The following PRDM10 variants were observed in gnomAD, a reference collection of about 807,000 sequenced individuals.
PRDM10 encodes the protein PR/SET domain 10.
In PRDM10, 65 loss-of-function variants were observed where a neutral mutation model predicts 133.1. That is an observed-to-expected ratio of 0.49 (90% confidence interval 0.40 to 0.60). The LOEUF is 0.60. PRDM10 is among the 20% of genes least tolerant of loss of function. PRDM10 has a pLI of 0.00. For missense variants in PRDM10, 1,137 were observed against 1,507.1 expected (o/e 0.75, Z 4.07); for synonymous variants, 582 against 580.4 (o/e 1.00, Z -0.04).
Position 129,947,603 on chromosome 11 carries a change from G to C in PRDM10, c.295-233C>G. On this transcript the variant is annotated intron_variant, in intron 4 of 20. Coordinates refer to ENST00000360871, the MANE Select transcript of PRDM10 (RefSeq NM_199437.2). This position sits in a 1 kb window ranked among gnomAD's most constrained non-coding sequence, Gnocchi z 4.6. Reference sequence around the variant, plus strand: ...CCTCTGCCCTCCCTCTGCCCCTTCTGTCCCACACCTGGGAGGGCTGCTAAG... The same window carrying C: ...CCTCTGCCCTCCCTCTGCCCCTTCTCTCCCACACCTGGGAGGGCTGCTAAG... 7.3e-7 allele frequency: 1 copy of C among 1,374,828 alleles called. No homozygotes were observed. The highest frequency in any genetic ancestry group is 9.5e-7 in the Non-Finnish European group (1 of 1,049,476). The allele number at this position is 1,374,828 out of a possible 1,614,324, so 85.2% of individuals were successfully genotyped here.
intron 1 of PRDM10, among the ~76,000 whole-genome samples, chr11:129,998,438 C>G (rs559142933): frequency 6.6e-6 from 1 of 152,102 alleles, no homozygotes; most frequent in Non-Finnish European, 1.5e-5. Context: ...TTGCAATAAA[C>G]GAGAGTTTAA....
intron 1 of PRDM10, among the ~76,000 whole-genome samples, chr11:129,983,300 T>G (rs1370875588): frequency 9.3e-6 from 1 of 107,654 alleles, no homozygotes; most frequent in African/African-American, 5.1e-5. Context: ...TATTTCTCCT[T>G]TTTTTTTTTT....
intron 1 of PRDM10, among the ~76,000 whole-genome samples, chr11:129,961,806 T>C (rs938678589): frequency 6.6e-6 from 1 of 152,146 alleles, no homozygotes; most frequent in Non-Finnish European, 1.5e-5. Context: ...TCTTATAAAA[T>C]TATATATTTT....
At chr11:129,981,033 A>T (rs1048371551) in intron 1 of PRDM10, among the ~76,000 whole-genome samples, 1 of 151,694 alleles carries the variant, frequency 6.6e-6, no homozygotes, top group African/African-American at 2.4e-5. Context: ...CACTAGGCCC[A>T]GCTAATTTTG....
At chr11:129,971,850 G>A (rs1952034411) in intron 1 of PRDM10, among the ~76,000 whole-genome samples, 1 of 152,240 alleles carries the variant, frequency 6.6e-6, no homozygotes, top group African/African-American at 2.4e-5. Flanking sequence ...CAGCCCTTGG[G>A]TGGTCGATGG....
At chr11:129,930,901 G>C in intron 11 of PRDM10, 115 bp downstream of exon 11, 3 of 1,397,050 alleles carry the variant, frequency 2.1e-6, no homozygotes, top group Non-Finnish European at 2.9e-6. Context: ...GCATGTGACA[G>C]GCTAGATGCA....
chr11:129,980,166 C>A (rs1938025218), intron 1 of PRDM10, among the ~76,000 whole-genome samples: 2 of 152,166 alleles, frequency 1.3e-5, no homozygotes. Context: ...ATCATAGTTA[C>A]CGTACGACCA....
chr11:129,917,030 G>T, intron 15 of PRDM10, 97 bp downstream of exon 15: 1 of 791,008 alleles, frequency 1.3e-6, no homozygotes, highest in Non-Finnish European at 1.9e-6. Flanking sequence ...TCTGGTAAGA[G>T]TAACAAAAAA....
At chr11:129,944,204 T>C (rs1951313401) in intron 6 of PRDM10, among the ~76,000 whole-genome samples, 1 of 152,082 alleles carries the variant, frequency 6.6e-6, no homozygotes, top group South Asian at 2.1e-4. Context: ...TAAATGTCTG[T>C]TGTTTGAGCC....
chr11:129,976,572 C>T (rs1399087429), intron 1 of PRDM10, among the ~76,000 whole-genome samples: 1 of 152,160 alleles, frequency 6.6e-6, no homozygotes, highest in East Asian at 1.9e-4. Flanking sequence ...TGCTCTACTC[C>T]GAGCAGCTGC....
In PRDM10 at chr11:129,923,088, TA is replaced by T. The variant is rs1950562987; in HGVS notation, c.2034+159del. ...GAGGAAATGAGTAAGTTTTCCCCCT[TA>T]ATTTTATAACTAAGTCAAACACAAG... On this transcript the variant is annotated intron_variant, in intron 13 of 20. Coordinates refer to ENST00000360871, the MANE Select transcript of PRDM10 (RefSeq NM_199437.2). This position sits in a 1 kb window ranked among gnomAD's most constrained non-coding sequence, Gnocchi z 4.4. Among the ~76,000 whole-genome samples, 2 of 152,242 alleles carry T rather than the reference TA, an allele frequency of 1.3e-5. No homozygotes were observed. The highest frequency in any genetic ancestry group is 1.3e-4 in the Admixed American group (2 of 15,286).
rs1214146712 is a variant in PRDM10 at position 129,902,490 on chromosome 11, T to C, written c.3294A>G (p.Gln1098=). ...TSGHYVLSES[Q]SELEEKQTSA... ...AAGTTTGCTTTTCTTCCAATTCTGATTGACTTTCTGATAACACATAATGAC... is the reference window on the plus strand; with the variant it reads ...AAGTTTGCTTTTCTTCCAATTCTGACTGACTTTCTGATAACACATAATGAC... The change falls in exon 21 of 21, where the codon CAA becomes CAG. Residue 1098 remains glutamine, a synonymous_variant. Transcript: ENST00000360871. 6.2e-7 allele frequency: 1 copy of C among 1,614,184 alleles called. No individual in the cohort carries two copies. Among genetic ancestry groups the C allele is most frequent in the Admixed American group, 1.7e-5 (1 of 60,024 alleles).
At chr11:129,961,106 C>A in intron 1 of PRDM10, 24 bp from the exon 2 acceptor site, 2 of 558,072 alleles carry the variant, frequency 3.6e-6, no homozygotes, top group Non-Finnish European at 6.3e-6. Flanking sequence ...GAAAAGGAAC[C>A]AAGACTTTCA....
At chr11:129,903,336 T>TAATAATAATAATAATAAA (rs1184143562) in intron 20 of PRDM10, among the ~76,000 whole-genome samples, 1 of 137,094 alleles carries the variant, frequency 7.3e-6, no homozygotes, top group Non-Finnish European at 1.5e-5. Flanking sequence ...ATAATAATAA[T>TAATAATAATAATAATAAA]AATAAATGGT....
At chr11:129,976,334 G>A (rs927573651) in intron 1 of PRDM10, among the ~76,000 whole-genome samples, 3 of 152,136 alleles carry the variant, frequency 2.0e-5, no homozygotes, top group African/African-American at 7.2e-5. Context: ...CTGTCGCTCT[G>A]GCACTGTGTC....
At chr11:129,992,909 A>G (rs937803263) in intron 1 of PRDM10, among the ~76,000 whole-genome samples, 4 of 152,248 alleles carry the variant, frequency 2.6e-5, no homozygotes, top group African/African-American at 9.6e-5. Flanking sequence ...ACAACACAGC[A>G]GTCCTGAAAT....
chr11:129,993,094 A>G (rs1225111876), intron 1 of PRDM10, among the ~76,000 whole-genome samples: 1 of 152,224 alleles, frequency 6.6e-6, no homozygotes, highest in Non-Finnish European at 1.5e-5. Flanking sequence ...TGTACCAGCC[A>G]TCTATGAAAG....
rs1205967519 is a variant in PRDM10 at position 129,944,425 on chromosome 11, A to AT, written c.762+345_762+346insA. ...GTGAAACCCCGTCTCTACTAAAAAT[A>AT]CAAAAAGAAATTAGCCGGGCGTGGT... On this transcript the variant is annotated intron_variant, in intron 6 of 20. Transcript: ENST00000360871. Among the ~76,000 whole-genome samples, 8 of 152,122 alleles carry AT rather than the reference A, an allele frequency of 5.3e-5. No homozygotes were observed. The East Asian group carries it at 1.6e-3, about 29-fold the overall frequency.
chr11:129,938,133 C>T (rs1048074666), intron 7 of PRDM10, among the ~76,000 whole-genome samples: 7 of 151,276 alleles, frequency 4.6e-5, no homozygotes, highest in Non-Finnish European at 7.4e-5. Context: ...TTTTTTTTTT[C>T]TCCCTAACTT....
Sources: gnomAD v4.1 joint callset for allele counts (sites outside exome capture counted in the v4.1 genomes callset) on GRCh38, gnomAD v4.1.1 for gene constraint, Gnocchi (gnomAD v3.1) non-coding constraint, MANE v1.5 for transcripts, NCBI Gene and HGNC (gene_info 2026-07-23, HGNC 2026-07-21) for gene names.